The following LAMA2 variants were observed in gnomAD, a reference collection of about 807,000 sequenced individuals.
The protein encoded by LAMA2 is laminin subunit alpha 2, also known as laminin subunit alpha-2.
In LAMA2, 269 loss-of-function variants were observed where a neutral mutation model predicts 364.8. The observed-to-expected ratio is 0.74, with a 90% CI of 0.67 to 0.82. The LOEUF (loss-of-function observed/expected upper bound fraction) is 0.82, where lower values mean the gene tolerates loss of function less well. Ranked by LOEUF, LAMA2 falls within the 40% of genes least tolerant of loss-of-function variation. The pLI is 0.00. For missense variants in LAMA2, 3,807 were observed against 3,873.2 expected (o/e 0.98, Z 0.45); for synonymous variants, 1,379 against 1,370.6 (o/e 1.01, Z -0.14).
intron 52 of LAMA2, among the ~76,000 whole-genome samples, chr6:129,474,132 T>C (rs1406401277): frequency 1.3e-5 from 2 of 152,078 alleles, no homozygotes; most frequent in Admixed American, 1.3e-4. Context: ...TTTTGTTTTG[T>C]TTAATTAGTT....
intron 12 of LAMA2, among the ~76,000 whole-genome samples, chr6:129,237,432 G>A (rs1785068155): frequency 6.6e-6 from 1 of 151,970 alleles, no homozygotes; most frequent in Non-Finnish European, 1.5e-5. Flanking sequence ...CACCTCCCGG[G>A]TTCAAGTGAT....
At chr6:129,215,343 G>A (rs1783359251) in intron 12 of LAMA2, among the ~76,000 whole-genome samples, 1 of 151,928 alleles carries the variant, frequency 6.6e-6, no homozygotes, top group African/African-American at 2.4e-5. Context: ...GAGTCATAAA[G>A]GGCTATGTTA....
At chr6:129,192,109 G>A (rs1294537173) in intron 11 of LAMA2, among the ~76,000 whole-genome samples, 1 of 152,172 alleles carries the variant, frequency 6.6e-6, no homozygotes, top group Non-Finnish European at 1.5e-5. Context: ...CAAGGCTGGT[G>A]GGTTCAAATA....
chr6:129,053,256 G>A (rs1788217819), intron 2 of LAMA2, among the ~76,000 whole-genome samples: 1 of 152,088 alleles, frequency 6.6e-6, no homozygotes, highest in African/African-American at 2.4e-5. Context: ...GTAGAGACGA[G>A]GTTTCTCCAT....
Position 129,429,904 on chromosome 6 carries a change from G to C in LAMA2, c.5968+2050G>C, listed in dbSNP as rs1349030824. 3.9e-5 allele frequency among the ~76,000 whole-genome samples: 6 copies of C among 152,012 alleles called. No individual in the cohort carries two copies. In the East Asian group the frequency reaches 1.2e-3, roughly 29 times the overall value. On this transcript the variant is annotated intron_variant, in intron 41 of 64. Transcript: ENST00000421865. ...ATTTTCAGCCATTTTTTTTCCAAGA[G>C]AAAAAGAAATCTAAAGACAAGCATT...
chr6:129,264,268 G>A (rs1441846523), intron 15 of LAMA2, among the ~76,000 whole-genome samples: 1 of 152,136 alleles, frequency 6.6e-6, no homozygotes, highest in African/African-American at 2.4e-5. Flanking sequence ...GAGACTGTAT[G>A]TCAGGGGAGA....
intron 4 of LAMA2, among the ~76,000 whole-genome samples, chr6:129,129,663 G>A (rs956536547): frequency 3.3e-5 from 5 of 152,058 alleles, no homozygotes; most frequent in Admixed American, 6.5e-5. Flanking sequence ...GGTGGCTCAC[G>A]CCTGTAATCC....
intron 1 of LAMA2, among the ~76,000 whole-genome samples, chr6:129,044,761 G>A (rs72987291): frequency 0.027 from 4,180 of 152,182 alleles, 89 homozygotes; most frequent in Non-Finnish European, 0.047. Context: ...TATGGATAAT[G>A]ATCACTGGCT....
intron 3 of LAMA2, among the ~76,000 whole-genome samples, chr6:129,094,266 A>G (rs1775035840): frequency 6.6e-6 from 1 of 152,244 alleles, no homozygotes; most frequent in Non-Finnish European, 1.5e-5. Context: ...AAGAAGTCCA[A>G]AAGAAATTCC....
intron 8 of LAMA2, chr6:129,158,681 A>C (rs190714400): frequency 3.1e-6 from 5 of 1,614,142 alleles, no homozygotes; most frequent in Non-Finnish European, 4.2e-6. Context: ...TGCTGCCATC[A>C]AAAAACGGAC....
rs58558234 is a variant in LAMA2, at chr6:129,386,389, A to G, written c.5071+3156A>G. 0.12 allele frequency among the ~76,000 whole-genome samples: 18,002 copies of G among 151,986 alleles called. 1,525 individuals carry two copies. Among genetic ancestry groups the G allele is most frequent in the East Asian group, 0.45 (2,321 of 5,152 alleles). On this transcript the variant is annotated intron_variant, in intron 35 of 64. Coordinates refer to ENST00000421865, the MANE Select transcript of LAMA2 (RefSeq NM_000426.4). ...TAAAACTGTATGTTTATATATGTCT[A>G]TAAAGAGTGAAACAGACTTCTATTA... is the stretch of plus-strand genomic sequence containing the variant.
At chr6:128,955,583 T>C (rs1304791229) in intron 1 of LAMA2, among the ~76,000 whole-genome samples, 2 of 152,046 alleles carry the variant, frequency 1.3e-5, no homozygotes, top group East Asian at 3.9e-4. Flanking sequence ...AAAAATCACA[T>C]TTAAGAGTTT....
In LAMA2 at chr6:128,902,994, T is replaced by C. The variant is rs1485041863; in HGVS notation, c.112+19637T>C. On this transcript the variant is annotated intron_variant, in intron 1 of 64. Coordinates refer to ENST00000421865, the MANE Select transcript of LAMA2 (RefSeq NM_000426.4). ...ATATGACCAGTCACAACTTAGAATA[T>C]GTATACTGTATTATTTCATATTAAC... is the stretch of plus-strand genomic sequence containing the variant. Among the ~76,000 whole-genome samples the C allele has an allele frequency of 3.3e-5, 5 of 152,200 alleles. No individual in the cohort carries two copies. In the East Asian group the frequency reaches 5.8e-4, roughly 18 times the overall value.
chr6:129,135,560 AT>A (rs1235790668), intron 4 of LAMA2, among the ~76,000 whole-genome samples: 1 of 152,240 alleles, frequency 6.6e-6, no homozygotes. Flanking sequence ...GATCTTGTGT[AT>A]TGTAATTTCT....
chr6:129,175,210 G>C (rs957678740), intron 9 of LAMA2, among the ~76,000 whole-genome samples: 3 of 152,090 alleles, frequency 2.0e-5, no homozygotes. Flanking sequence ...GATTCAGTTT[G>C]GTGTTTTGCT....
intron 1 of LAMA2, among the ~76,000 whole-genome samples, chr6:128,941,400 G>T (rs549940911): frequency 6.6e-6 from 1 of 152,096 alleles, no homozygotes; most frequent in Non-Finnish European, 1.5e-5. Flanking sequence ...CAATCTGAAG[G>T]CTTTTGAAAA....
chr6:129,114,207 G>T (rs1776327638), intron 4 of LAMA2, among the ~76,000 whole-genome samples: 1 of 151,982 alleles, frequency 6.6e-6, no homozygotes, highest in Admixed American at 6.6e-5. Flanking sequence ...ACAAATCAAG[G>T]TTGAACAGGT....
intron 9 of LAMA2, among the ~76,000 whole-genome samples, chr6:129,169,137 A>C (rs1352014837): frequency 6.6e-6 from 1 of 151,206 alleles, no homozygotes; most frequent in Non-Finnish European, 1.5e-5. Context: ...TCTTTTCCTA[A>C]TTGAATACCC....
chr6:129,452,416 G>C (rs1387743232), intron 45 of LAMA2, among the ~76,000 whole-genome samples: 1 of 152,014 alleles, frequency 6.6e-6, no homozygotes, highest in Non-Finnish European at 1.5e-5. Flanking sequence ...TTCATGAAAA[G>C]GTACAATTTA....
Sources: allele counts gnomAD v4.1 joint callset (sites outside exome capture counted in the v4.1 genomes callset), GRCh38; gene constraint gnomAD v4.1.1; transcripts MANE v1.5; gene names NCBI Gene and HGNC (gene_info 2026-07-23, HGNC 2026-07-21).